The following ADCY10 variants were observed in gnomAD, a reference collection of about 807,000 sequenced individuals.
ADCY10 encodes adenylate cyclase type 10.
Under a neutral mutation model 183.3 loss-of-function variants are expected in ADCY10, and 156 were observed. The ratio of observed to expected loss-of-function variants is 0.85; its 90% CI spans 0.75 to 0.97. The LOEUF (loss-of-function observed/expected upper bound fraction) is 0.97, where lower values mean the gene tolerates loss of function less well. Among genes scored for constraint, ADCY10 ranks in the 50% least tolerant of loss-of-function variants. ADCY10 has a pLI of 0.00. For missense variants in ADCY10, 1,745 were observed against 1,934.3 expected (o/e 0.90, Z 1.84); for synonymous variants, 645 against 670.0 (o/e 0.96, Z 0.58).
At position 167,818,121 on chromosome 1, in the gene ADCY10, A is replaced by G; in HGVS notation, c.4433T>C (p.Ile1478Thr). The change falls in exon 31 of 33, where the codon ATC becomes ACC. Residue 1478 changes from isoleucine (I) to threonine (T), a missense_variant. Transcript: ENST00000367851. ...TTGGGCATTCTCTGACTGTTCTTTG[A>G]TTTGTTTTTGAAGGTGAAGAACTTG... ...EGQVLHLQKQ[I>T]KEQSENAQAS... The G allele has an allele frequency of 6.2e-7, 1 of 1,614,118 alleles. No individual in the cohort carries two copies. The highest frequency in any genetic ancestry group is 1.1e-5 in the South Asian group (1 of 91,074).
intron 31 of ADCY10, among the ~76,000 whole-genome samples, chr1:167,811,314 C>A (rs555182868): frequency 6.6e-6 from 1 of 152,156 alleles, no homozygotes; most frequent in Admixed American, 6.5e-5. Flanking sequence ...ACAGGCTGGG[C>A]GCAGTGGCTC....
intron 31 of ADCY10, among the ~76,000 whole-genome samples, chr1:167,817,296 C>T (rs1234642222): frequency 2.6e-5 from 4 of 152,066 alleles, no homozygotes; most frequent in Non-Finnish European, 5.9e-5. Context: ...ACCCGGGAGG[C>T]GGAGGTTGCA....
rs770402285 is a variant in ADCY10, at chr1:167,875,105, G to C, written c.1462+26C>G. ...TGTTTTGTTTTAGTTCAATAAAGAA[G>C]TTTAAAATCAAGGCCTACTACCTAC... On this transcript the variant is annotated intron_variant, in intron 13 of 32. Coordinates refer to ENST00000367851, the MANE Select transcript of ADCY10 (RefSeq NM_018417.6). 1.9e-6 allele frequency: 3 copies of C among 1,605,642 alleles called. No homozygotes were observed. In the Admixed American group the frequency reaches 5.0e-5, roughly 27 times the overall value.
intron 1 of ADCY10, among the ~76,000 whole-genome samples, chr1:167,907,074 C>T (rs2102463514): frequency 6.6e-6 from 1 of 152,306 alleles, no homozygotes; most frequent in Middle Eastern, 3.4e-3. Context: ...AGCACACAGT[C>T]ATTTTAAATA....
chr1:167,878,504 T>A lies in ADCY10; in HGVS notation c.1348A>T (p.Met450Leu). 6.2e-7 allele frequency: 1 copy of A among 1,614,186 alleles called. No individual in the cohort carries two copies. The highest frequency in any genetic ancestry group is 1.1e-5 in the South Asian group (1 of 91,082). Reference protein sequence around the residue: ...YFFKELPKKVMKGVADSGPLY... With the variant: ...YFFKELPKKVLKGVADSGPLY... ...GGTCCAGAATCTGCAACACCTTTCA[T>A]AACTTTCTTTGGAAGCTCTTTAAAA... Residue 450 changes from methionine (M) to leucine (L), a missense_variant, in exon 12 of 33, where the codon ATG (methionine) becomes TTG (leucine). Transcript: ENST00000367851.
intron 31 of ADCY10, 148 bp from the exon 32 acceptor site, chr1:167,811,061 T>C: frequency 1.3e-6 from 1 of 759,986 alleles, no homozygotes; most frequent in South Asian, 1.7e-5. Context: ...ACAGTAGGTA[T>C]TGGAGATAAG....
Position 167,880,183 on chromosome 1 carries a change from G to T in ADCY10, c.1148C>A (p.Ser383Tyr). ...GACAATCCCACTGGCAACACCGATG[G>T]ATACAGTTCTGGTGCAGGGGAGACA... ...CSQVHKIQTVSIGVASGIVFC... is the reference protein window; with the variant it reads ...CSQVHKIQTVYIGVASGIVFC... Residue 383 changes from serine to tyrosine, a missense_variant, in exon 11 of 33, where the codon TCC (serine) becomes TAC (tyrosine). By Grantham distance (144) the Ser-to-Tyr change is moderately radical (BLOSUM62 -2). Coordinates refer to ENST00000367851, the MANE Select transcript of ADCY10 (RefSeq NM_018417.6). 4 of 1,612,794 alleles carry T rather than the reference G, an allele frequency of 2.5e-6. No individual in the cohort carries two copies. Among genetic ancestry groups the T allele is most frequent in the Middle Eastern group, 3.3e-4 (2 of 6,046 alleles).
chr1:167,897,441 G>A (rs183627011), intron 6 of ADCY10, among the ~76,000 whole-genome samples: 80 of 150,462 alleles, frequency 5.3e-4, no homozygotes, highest in African/African-American at 1.9e-3. Context: ...AGGTTGAAGT[G>A]AGCTGAGATC....
intron 28 of ADCY10, 140 bp downstream of exon 28, chr1:167,824,336 G>A: frequency 2.6e-6 from 2 of 779,626 alleles, no homozygotes; most frequent in South Asian, 2.8e-5. Context: ...AAAGAAAAAA[G>A]GGTGACTACT....
At position 167,860,954 on chromosome 1, in the gene ADCY10, G is replaced by A. The variant is rs531613788; in HGVS notation, c.1726C>T (p.Arg576Ter). The A allele has an allele frequency of 3.3e-5, 53 of 1,614,082 alleles. No homozygotes were observed. The highest frequency in any genetic ancestry group is 1.6e-4 in the East Asian group (7 of 44,878). The change falls in exon 15 of 33, where the codon CGA becomes TGA. Residue 576 changes from arginine (R) to a stop codon, truncating the protein, a stop_gained. Transcript: ENST00000367851. LOFTEE classifies it high-confidence loss of function. ...ACTTTATTTCGAAGGTTGGTCTGTCGTTCTTTATAATGTTTACAAGTGTCT... is the reference window on the plus strand; with the variant it reads ...ACTTTATTTCGAAGGTTGGTCTGTCATTCTTTATAATGTTTACAAGTGTCT... ...GLDTCKHYKE[R>*]QTNLRNKVMT...
chr1:167,873,413 C>T (rs972516425), intron 13 of ADCY10, among the ~76,000 whole-genome samples: 1 of 152,048 alleles, frequency 6.6e-6, no homozygotes, highest in African/African-American at 2.4e-5. Flanking sequence ...GATTGTGGCC[C>T]AATATTTCTC....
At chr1:167,879,491 C>T (rs1667725020) in intron 11 of ADCY10, among the ~76,000 whole-genome samples, 1 of 152,108 alleles carries the variant, frequency 6.6e-6, no homozygotes. Flanking sequence ...ATATACCCAT[C>T]ACCCCATCCC....
chr1:167,836,443 G>A lies in ADCY10; in HGVS notation c.3175C>T (p.Gln1059Ter). 1 of 1,614,062 alleles carries A rather than the reference G, an allele frequency of 6.2e-7. No homozygotes were observed. The highest frequency in any genetic ancestry group is 8.5e-7 in the Non-Finnish European group (1 of 1,179,924). Residue 1059 changes from glutamine (Q) to a stop codon, truncating the protein, a stop_gained, in exon 23 of 33, where the codon CAG (glutamine) becomes TAG (stop). Coordinates refer to ENST00000367851, the MANE Select transcript of ADCY10 (RefSeq NM_018417.6). LOFTEE classifies it high-confidence loss of function. Reference protein sequence around the residue: ...DEDIIPLESCQCEEILEIVIL... With the variant: ...DEDIIPLESC ...ACAATCTCTAGGATTTCTTCACACTGGCAAGATTCCAGAGGGATAATGTCT... is the reference window on the plus strand; with the variant it reads ...ACAATCTCTAGGATTTCTTCACACTAGCAAGATTCCAGAGGGATAATGTCT...
At chr1:167,852,853 T>C (rs1489013565) in intron 18 of ADCY10, among the ~76,000 whole-genome samples, 1 of 151,974 alleles carries the variant, frequency 6.6e-6, no homozygotes, top group African/African-American at 2.4e-5. Flanking sequence ...AGATGTGCCC[T>C]TGGGGGCCAC....
At chr1:167,880,370 T>C (rs1036763433) in intron 10 of ADCY10, 121 bp downstream of exon 10, 50 of 966,718 alleles carry the variant, frequency 5.2e-5, no homozygotes, top group East Asian at 2.4e-5. Context: ...GGAACAACAG[T>C]TTGAGACACA....
rs35580424 is a variant in ADCY10, at chr1:167,869,972, A to C, written c.1616+285T>G. 0.17 allele frequency among the ~76,000 whole-genome samples: 25,441 copies of C among 152,154 alleles called. 2,475 individuals carry two copies. The highest frequency in any genetic ancestry group is 0.24 in the Middle Eastern group (71 of 292). On this transcript the variant is annotated intron_variant, in intron 14 of 32. Transcript: ENST00000367851. ...AAATCTAGCCTTGATCTCAACATCTATGCCAATTGTTCTCGATCTGTCTGA... is the reference window on the plus strand; with the variant it reads ...AAATCTAGCCTTGATCTCAACATCTCTGCCAATTGTTCTCGATCTGTCTGA...
chr1:167,890,736 C>T (rs556750315), intron 8 of ADCY10, among the ~76,000 whole-genome samples: 2 of 152,260 alleles, frequency 1.3e-5, no homozygotes, highest in South Asian at 4.1e-4. Flanking sequence ...GAATAGCATG[C>T]TATGTAATTC....
chr1:167,856,352 G>A lies in ADCY10; in HGVS notation c.1984C>T (p.Arg662Trp), dbSNP rs758143916. ...ATAATGATGAAGATAGGAAGAGTCC[G>A]GATAAGCTTCTCCATAAATCTCCAG... ...TSWRFMEKLI[R>W]TLPIFIIMSL... Residue 662 changes from arginine to tryptophan, a missense_variant, in exon 17 of 33, where the codon CGG becomes TGG. By Grantham distance (101) the Arg-to-Trp change is moderately radical. Coordinates refer to ENST00000367851, the MANE Select transcript of ADCY10 (RefSeq NM_018417.6). 29 of 1,613,930 alleles carry A rather than the reference G, an allele frequency of 1.8e-5. No homozygotes were observed. In the Admixed American group the frequency reaches 2.0e-4, roughly 11 times the overall value.
At chr1:167,840,295 A>G (rs1215879982) in intron 21 of ADCY10, among the ~76,000 whole-genome samples, 5 of 151,998 alleles carry the variant, frequency 3.3e-5, no homozygotes, top group Non-Finnish European at 5.9e-5. Flanking sequence ...AAGCAAATAG[A>G]ATCAGGGCAT....
Sources: allele counts gnomAD v4.1 joint callset (sites outside exome capture counted in the v4.1 genomes callset), GRCh38; gene constraint gnomAD v4.1.1; transcripts MANE v1.5; gene names NCBI Gene and HGNC (gene_info 2026-07-23, HGNC 2026-07-21).